Variants in WDR11 observed in about 807,000 individuals in gnomAD.
WDR11 encodes WD repeat-containing protein 11.
In WDR11, 83 loss-of-function variants were observed where a neutral mutation model predicts 151.2. The observed-to-expected ratio is 0.55, with a 90% CI of 0.46 to 0.66. WDR11 has a LOEUF of 0.66. WDR11 is among the 30% of genes least tolerant of loss of function. WDR11 has a pLI of 0.00. For missense variants in WDR11, 1,301 were observed against 1,480.9 expected, an observed-to-expected ratio of 0.88 and a Z score of 1.99; for synonymous variants, 484 against 533.1, an observed-to-expected ratio of 0.91 and a Z score of 1.27.
chr10:120,901,079 C>T lies in WDR11; in HGVS notation c.2668C>T (p.Gln890Ter). 6.2e-7 allele frequency: 1 copy of T among 1,612,712 alleles called. No individual in the cohort carries two copies. Among genetic ancestry groups the T allele is most frequent in the Non-Finnish European group, 8.5e-7 (1 of 1,178,908 alleles). Residue 890 changes from glutamine (Q) to a stop codon, truncating the protein, a stop_gained, in exon 21 of 29, where the codon CAG becomes TAG. Transcript: ENST00000263461. LOFTEE classifies it high-confidence loss of function. Reference protein sequence around the residue: ...NEEIKNLLQEQLNSLSNDIKK... With the variant: ...NEEIKNLLQE ...AGAAATAAAGAATCTCCTCCAAGAACAGTTGAATTCATTGTCTAAGTAAGC... is the reference window on the plus strand; with the variant it reads ...AGAAATAAAGAATCTCCTCCAAGAATAGTTGAATTCATTGTCTAAGTAAGC...
chr10:120,869,530 T>C (rs201052289), intron 9 of WDR11, among the ~76,000 whole-genome samples: 1 of 138,948 alleles, frequency 7.2e-6, no homozygotes, highest in East Asian at 2.3e-4. Flanking sequence ...TTTAAACTTT[T>C]AATTAAACTT....
chr10:120,885,286 T>TACACACACAC (rs5788451), intron 14 of WDR11, among the ~76,000 whole-genome samples: 4 of 147,450 alleles, frequency 2.7e-5, no homozygotes, highest in South Asian at 2.2e-4. Context: ...TATATATATA[T>TACACACACAC]ACACACACAC....
At chr10:120,852,067 A>G in intron 1 of WDR11, 1 of 228,060 alleles carries the variant, frequency 4.4e-6, no homozygotes, top group Non-Finnish European at 8.7e-6. Context: ...TACTCATTAG[A>G]CAAATGTAAA....
In WDR11 at chr10:120,865,766, A is replaced by G. The variant is rs747286716; in HGVS notation, c.994+22A>G. On this transcript the variant is annotated intron_variant, in intron 7 of 28. Coordinates refer to ENST00000263461, the MANE Select transcript of WDR11 (RefSeq NM_018117.12). ...CCAGGTGAGTTTCTGTCTCACAATA[A>G]TGTTATATTTTTCTTCAAAATTATT... 17 of 1,491,266 alleles carry G rather than the reference A, an allele frequency of 1.1e-5. No individual in the cohort carries two copies. In the African/African-American group the frequency reaches 2.3e-4, roughly 21 times the overall value. 92.4% of individuals were successfully genotyped at this position (1,491,266 alleles called of 1,614,324 possible).
Position 120,862,146 on chromosome 10 carries a change from G to T in WDR11, c.527-589G>T, listed in dbSNP as rs961187538. On this transcript the variant is annotated intron_variant, in intron 4 of 28. Coordinates refer to ENST00000263461, the MANE Select transcript of WDR11 (RefSeq NM_018117.12). ...TTGTTTGTTTTTTGTTTTTGTTTTTGTTTTTTTTTTTTGAGATGGAATCTT... is the reference window on the plus strand; with the variant it reads ...TTGTTTGTTTTTTGTTTTTGTTTTTTTTTTTTTTTTTTGAGATGGAATCTT... 8.2e-5 allele frequency among the ~76,000 whole-genome samples: 12 copies of T among 146,400 alleles called. No homozygotes were observed. The South Asian group carries it at 1.3e-3, about 16-fold the overall frequency.
At chr10:120,871,427 T>A (rs1846537010) in intron 10 of WDR11, 81 bp downstream of exon 10, 1 of 1,439,462 alleles carries the variant, frequency 6.9e-7, no homozygotes, top group African/African-American at 1.4e-5. Context: ...AGATCCTTTA[T>A]TCTTTTTGAG....
At position 120,903,094 on chromosome 10, in the gene WDR11, C is replaced by A; in HGVS notation, c.2793C>A (p.Val931=). The A allele has an allele frequency of 6.2e-7, 1 of 1,614,090 alleles. No homozygotes were observed. Among genetic ancestry groups the A allele is most frequent in the South Asian group, 1.1e-5 (1 of 91,072 alleles). Residue 931 remains valine (V), a synonymous_variant, in exon 23 of 29, where the codon GTC becomes GTA. Coordinates refer to ENST00000263461, the MANE Select transcript of WDR11 (RefSeq NM_018117.12). The stretch of plus-strand genomic sequence containing the variant: ...AATCGGAGCTGCACTTCTGGACTGT[C>A]GCTGCCCACTACCTGCACAGCTTAT... ...GDESELHFWT[V]AAHYLHSLSQ... is the part of the protein sequence containing the mutation.
chr10:120,881,013 G>A (rs1370074676), intron 13 of WDR11, 112 bp downstream of exon 13: 2 of 940,484 alleles, frequency 2.1e-6, no homozygotes, highest in East Asian at 2.6e-5. Flanking sequence ...AATCTTTTTA[G>A]TGATAGCAAA....
At chr10:120,871,384 T>G (rs200768327) in intron 10 of WDR11, 38 bp downstream of exon 10, 1 of 1,587,790 alleles carries the variant, frequency 6.3e-7, no homozygotes, top group Non-Finnish European at 8.6e-7. Flanking sequence ...TTTAACTCAC[T>G]TTATAAGATG....
intron 15 of WDR11, 99 bp from the exon 16 acceptor site, chr10:120,886,590 T>G: frequency 6.9e-7 from 1 of 1,453,886 alleles, no homozygotes; most frequent in Admixed American, 2.1e-5. Flanking sequence ...GTTTTGGACC[T>G]CCTCTTAATG....
intron 9 of WDR11, among the ~76,000 whole-genome samples, chr10:120,869,314 T>C (rs1050964843): frequency 2.0e-5 from 3 of 151,320 alleles, no homozygotes; most frequent in Admixed American, 6.6e-5. Flanking sequence ...GGGGTTTCAC[T>C]GTGTTAGCCA....
intron 9 of WDR11, among the ~76,000 whole-genome samples, chr10:120,870,059 A>G (rs1846480392): frequency 6.6e-6 from 1 of 152,186 alleles, no homozygotes; most frequent in Non-Finnish European, 1.5e-5. Context: ...AAGTTCTGGG[A>G]TTACAGGCGT....
intron 28 of WDR11, chr10:120,907,855 G>T (rs1848123567): frequency 6.6e-6 from 1 of 150,962 alleles, no homozygotes; most frequent in Non-Finnish European, 1.5e-5. Flanking sequence ...TGTTGCCCAG[G>T]CTGGTCTTGA....
At chr10:120,888,555 C>T (rs1847303749) in intron 16 of WDR11, among the ~76,000 whole-genome samples, 1 of 152,254 alleles carries the variant, frequency 6.6e-6, no homozygotes, top group Non-Finnish European at 1.5e-5. Context: ...TGAATTTAAA[C>T]TGCATATGCC....
intron 2 of WDR11, among the ~76,000 whole-genome samples, chr10:120,857,120 A>G (rs1845975152): frequency 6.6e-6 from 1 of 152,146 alleles, no homozygotes; most frequent in Non-Finnish European, 1.5e-5. Flanking sequence ...ACACATCACA[A>G]CTTCTCATAC....
At position 120,858,649 on chromosome 10, in the gene WDR11, T is replaced by C. The variant is rs1320023423; in HGVS notation, c.205T>C (p.Trp69Arg). The C allele has an allele frequency of 6.2e-7, 1 of 1,614,212 alleles. No individual in the cohort carries two copies. Among genetic ancestry groups the C allele is most frequent in the Non-Finnish European group, 8.5e-7 (1 of 1,180,032 alleles). Reference sequence around the variant, plus strand: ...TGATTTCTTCTTGATACAGGTTAAATGGGCCAGGGAAAACTATCACCATAA... The same window carrying C: ...TGATTTCTTCTTGATACAGGTTAAACGGGCCAGGGAAAACTATCACCATAA... ...KHKADVVKVK[W>R]ARENYHHNIG... Residue 69 changes from tryptophan to arginine, a missense_variant, in exon 3 of 29, where the codon TGG (tryptophan) becomes CGG (arginine). Physicochemically the swap from Trp to Arg is moderately radical, Grantham distance 101 (BLOSUM62 -3). Coordinates refer to ENST00000263461, the MANE Select transcript of WDR11 (RefSeq NM_018117.12).
intron 9 of WDR11, among the ~76,000 whole-genome samples, chr10:120,869,211 C>T (rs1196674923): frequency 4.7e-5 from 7 of 149,826 alleles, no homozygotes; most frequent in Non-Finnish European, 1.0e-4. Flanking sequence ...CCCGGGTTCA[C>T]GCCATTCTCC....
chr10:120,866,878 G>A, intron 8 of WDR11, 114 bp downstream of exon 8: 2 of 1,277,290 alleles, frequency 1.6e-6, no homozygotes, highest in Non-Finnish European at 2.2e-6. Flanking sequence ...TATTTTTAAG[G>A]TAATAATTAA....
chr10:120,875,265 A>C (rs1195854959), intron 11 of WDR11, among the ~76,000 whole-genome samples: 2 of 152,194 alleles, frequency 1.3e-5, no homozygotes, highest in Non-Finnish European at 2.9e-5. Context: ...TCTTTGTTTA[A>C]ACATCATCAG....
Sources: gnomAD v4.1 joint callset for allele counts (sites outside exome capture counted in the v4.1 genomes callset) on GRCh38, gnomAD v4.1.1 for gene constraint, MANE v1.5 for transcripts, NCBI Gene and HGNC (gene_info 2026-07-23, HGNC 2026-07-21) for gene names.